NCKAP5: variants seen among roughly 807,000 people sequenced by gnomAD.
NCKAP5 encodes nck-associated protein 5.
A neutral mutation model predicts 167.0 loss-of-function variants in NCKAP5; 92 were observed. That is an observed-to-expected ratio of 0.55 (90% CI 0.47 to 0.66). The LOEUF is 0.66. Ranked by LOEUF, NCKAP5 falls within the 30% of genes least tolerant of loss-of-function variation. NCKAP5 has a pLI of 0.00. For synonymous variants in NCKAP5, 891 were observed against 877.4 expected (o/e 1.02, Z -0.27); for missense variants, 2,378 against 2,315.0 (o/e 1.03, Z -0.56).
chr2:133,189,661 T>C (rs1156532873), intron 5 of NCKAP5, among the ~76,000 whole-genome samples: 3 of 152,224 alleles, frequency 2.0e-5, no homozygotes, highest in East Asian at 1.9e-4. Flanking sequence ...ATCCAGCATA[T>C]AAACAGAACA....
chr2:132,861,124 T>A (rs1420904227), intron 10 of NCKAP5, among the ~76,000 whole-genome samples: 2 of 152,096 alleles, frequency 1.3e-5, no homozygotes, highest in Admixed American at 6.5e-5. Context: ...GAGAAATAGC[T>A]CCGAAGAGAT....
In NCKAP5 at chr2:132,782,805, G is replaced by A; in HGVS notation, c.4006C>T (p.Pro1336Ser). 3 of 1,613,912 alleles carry A rather than the reference G, an allele frequency of 1.9e-6. No individual in the cohort carries two copies. Among genetic ancestry groups the A allele is most frequent in the Non-Finnish European group, 2.5e-6 (3 of 1,179,842 alleles). The change falls in exon 14 of 20, where the codon CCC becomes TCC. Residue 1336 changes from proline to serine, a missense_variant. Transcript: ENST00000409261. ...APSAPMLESL[P>S]SVGRPSGHPS... ...TGCCCCGAGGGCCTCCCAACACTGG[G>A]GAGACTCTCCAACATGGGAGCAGAA...
At chr2:133,035,560 T>G (rs2079015368) in intron 6 of NCKAP5, among the ~76,000 whole-genome samples, 1 of 151,972 alleles carries the variant, frequency 6.6e-6, no homozygotes, top group Non-Finnish European at 1.5e-5. Flanking sequence ...ATCAAGCATC[T>G]TCTCTGACTA....
At chr2:133,486,622 T>C (rs1680930467) in intron 3 of NCKAP5, among the ~76,000 whole-genome samples, 1 of 152,178 alleles carries the variant, frequency 6.6e-6, no homozygotes, top group Non-Finnish European at 1.5e-5. Flanking sequence ...CAGAAATCAG[T>C]TCAGTCAGCT....
chr2:133,312,821 G>A (rs1367919714), intron 3 of NCKAP5, among the ~76,000 whole-genome samples: 1 of 152,170 alleles, frequency 6.6e-6, no homozygotes, highest in Non-Finnish European at 1.5e-5. Flanking sequence ...TCTTTTCAAA[G>A]TTAACATGGC....
intron 11 of NCKAP5, among the ~76,000 whole-genome samples, chr2:132,849,703 G>T (rs1254473440): frequency 6.6e-6 from 1 of 152,176 alleles, no homozygotes; most frequent in Non-Finnish European, 1.5e-5. Context: ...GTGGTGCAGA[G>T]GGGATGTGAA....
intron 3 of NCKAP5, among the ~76,000 whole-genome samples, chr2:133,508,092 T>A (rs79793856): frequency 0.074 from 11,277 of 151,856 alleles, 647 homozygotes; most frequent in East Asian, 0.3. Flanking sequence ...AATAGAGGAG[T>A]CAGGAGGGGT....
At chr2:133,112,814 C>A (rs760138896) in intron 6 of NCKAP5, among the ~76,000 whole-genome samples, 15 of 152,180 alleles carry the variant, frequency 9.9e-5, no homozygotes, top group Admixed American at 4.6e-4. Context: ...TATCCAAATG[C>A]CACTAAATGG....
chr2:133,334,072 T>C (rs912365630), intron 3 of NCKAP5: 29 of 152,366 alleles, frequency 1.9e-4, no homozygotes, highest in African/African-American at 7.0e-4. Context: ...AGGCCGTTAG[T>C]GATCCGTTGA....
At chr2:133,440,709 CAAAAAAA>C (rs1174654151) in intron 3 of NCKAP5, among the ~76,000 whole-genome samples, 5 of 32,694 alleles carry the variant, frequency 1.5e-4, no homozygotes, top group African/African-American at 4.0e-4. Context: ...GACTCTGTCT[CAAAAAAA>C]AAAAAAAAAA....
chr2:132,689,240 C>T (rs1010199603), intron 19 of NCKAP5, among the ~76,000 whole-genome samples: 1 of 152,070 alleles, frequency 6.6e-6, no homozygotes, highest in Non-Finnish European at 1.5e-5. Context: ...AAGATAGGAA[C>T]TGCATGGATT....
At chr2:132,796,526 A>C in intron 12 of NCKAP5, 102 bp downstream of exon 12, 2 of 674,520 alleles carry the variant, frequency 3.0e-6, no homozygotes, top group South Asian at 4.5e-5. Context: ...TCTGCCTGAC[A>C]ATGCTTCAAG....
At chr2:133,056,644 T>C (rs1442452388) in intron 6 of NCKAP5, among the ~76,000 whole-genome samples, 1 of 152,226 alleles carries the variant, frequency 6.6e-6, no homozygotes, top group Admixed American at 6.5e-5. Flanking sequence ...CTTTTATTCT[T>C]TAAACCAACA....
chr2:133,277,842 A>T (rs1167505267), intron 4 of NCKAP5, among the ~76,000 whole-genome samples: 2 of 152,190 alleles, frequency 1.3e-5, no homozygotes, highest in Non-Finnish European at 2.9e-5. Context: ...CCAATTATCT[A>T]TGGACATTCA....
intron 3 of NCKAP5, among the ~76,000 whole-genome samples, chr2:133,492,144 AGTGTGT>A (rs371797170): frequency 2.1e-5 from 3 of 141,562 alleles, no homozygotes; most frequent in Non-Finnish European, 3.0e-5. Flanking sequence ...ATATCTAGTT[AGTGTGT>A]GTGTGTGTGT....
intron 4 of NCKAP5, among the ~76,000 whole-genome samples, chr2:133,263,698 A>G (rs2089033254): frequency 6.6e-6 from 1 of 152,166 alleles, no homozygotes; most frequent in African/African-American, 2.4e-5. Flanking sequence ...CCTTCTGTAC[A>G]TCCTCCCTAA....
At chr2:133,316,663 C>G (rs1349235477) in intron 3 of NCKAP5, among the ~76,000 whole-genome samples, 1 of 152,288 alleles carries the variant, frequency 6.6e-6, no homozygotes, top group African/African-American at 2.4e-5. Context: ...ATAAATCACC[C>G]AAGAGGAGCG....
chr2:132,720,731 C>T (rs75169671), intron 19 of NCKAP5, among the ~76,000 whole-genome samples: 9,184 of 152,236 alleles, frequency 0.06, 932 homozygotes, highest in African/African-American at 0.21. Context: ...GGGAACCGGC[C>T]CGGCACAGTG....
intron 5 of NCKAP5, among the ~76,000 whole-genome samples, chr2:133,164,609 G>C (rs931933795): frequency 3.3e-5 from 5 of 152,174 alleles, no homozygotes; most frequent in African/African-American, 1.2e-4. Context: ...TCTGCATCTT[G>C]TCTTTCACCA....
Sources: allele counts gnomAD v4.1 joint callset (sites outside exome capture counted in the v4.1 genomes callset), GRCh38; gene constraint gnomAD v4.1.1; transcripts MANE v1.5; gene names NCBI Gene and HGNC (gene_info 2026-07-23, HGNC 2026-07-21).